Variants in PTCSC3 observed in about 807,000 individuals in gnomAD.
PTCSC3 encodes the protein papillary thyroid carcinoma susceptibility candidate 3 (non-protein coding).
At chr14:36,169,740 G>A (rs1457109920) in intron 1 of PTCSC3, among the ~76,000 whole-genome samples, 2 of 152,118 alleles carry the variant, frequency 1.3e-5, no homozygotes, top group Non-Finnish European at 2.9e-5. Flanking sequence ...AAAAGCAGCT[G>A]GTAGAGCTCT....
chr14:36,156,248 T>C (rs1334651076), intron 2 of PTCSC3, among the ~76,000 whole-genome samples: 3 of 152,180 alleles, frequency 2.0e-5, no homozygotes, highest in Admixed American at 6.6e-5. Flanking sequence ...TGATTTTTAT[T>C]AGTTTCAAAA....
intron 1 of PTCSC3, among the ~76,000 whole-genome samples, chr14:36,174,226 C>T (rs1882242196): frequency 6.6e-6 from 1 of 151,980 alleles, no homozygotes; most frequent in Admixed American, 6.6e-5. Flanking sequence ...GTAAGCTAGG[C>T]TGCTTGATAT....
At chr14:36,169,774 G>A (rs1362859548) in intron 1 of PTCSC3, among the ~76,000 whole-genome samples, 2 of 152,154 alleles carry the variant, frequency 1.3e-5, no homozygotes, top group Non-Finnish European at 2.9e-5. Flanking sequence ...GAAACAAGGA[G>A]TTGGGGAAGA....
intron 1 of PTCSC3, among the ~76,000 whole-genome samples, chr14:36,175,792 T>C (rs1269129594): frequency 2.0e-5 from 3 of 152,190 alleles, no homozygotes; most frequent in African/African-American, 7.2e-5. Flanking sequence ...AGTTAGAAAT[T>C]TGTATTTGTA....
At chr14:36,145,534 A>G (rs1881541389) in intron 3 of PTCSC3, among the ~76,000 whole-genome samples, 1 of 144,408 alleles carries the variant, frequency 6.9e-6, no homozygotes, top group African/African-American at 2.6e-5. Flanking sequence ...TATTGTGTCT[A>G]TTTGATTCTT....
chr14:36,160,255 T>C lies in PTCSC3; in HGVS notation n.231+2369A>G, dbSNP rs146016655. Reference sequence around the variant, plus strand: ...AAGGTTAATATTGTTATGTGTGAATTTGATCCTGTCATTATGATGCTAGCT... The same window carrying C: ...AAGGTTAATATTGTTATGTGTGAATCTGATCCTGTCATTATGATGCTAGCT... On this transcript the variant is annotated intron_variant and non_coding_transcript_variant, in intron 2 of 3. Coordinates refer to ENST00000556013, the Ensembl canonical transcript of PTCSC3. Among the ~76,000 whole-genome samples the C allele has an allele frequency of 3.0e-3, 457 of 152,354 alleles. 2 individuals carry two copies. Among genetic ancestry groups the C allele is most frequent in the Middle Eastern group, 6.8e-3 (2 of 294 alleles).
chr14:36,159,221 G>T (rs1177569535), intron 2 of PTCSC3, among the ~76,000 whole-genome samples: 1 of 76,110 alleles, frequency 1.3e-5, no homozygotes, highest in South Asian at 4.5e-4. Flanking sequence ...ATTTTTTGAA[G>T]GGTTTTTTTT....
chr14:36,171,719 C>T (rs116700809), intron 1 of PTCSC3, among the ~76,000 whole-genome samples: 16 of 152,100 alleles, frequency 1.1e-4, no homozygotes, highest in East Asian at 1.9e-4. Flanking sequence ...ATGCATTCCT[C>T]GACAAGAAGC....
intron 3 of PTCSC3, among the ~76,000 whole-genome samples, chr14:36,140,071 A>C (rs974441567): frequency 6.6e-6 from 1 of 152,178 alleles, no homozygotes; most frequent in Non-Finnish European, 1.5e-5. Context: ...GATGTCATGT[A>C]GTTGGAATGA....
intron 3 of PTCSC3, among the ~76,000 whole-genome samples, chr14:36,137,152 C>G (rs532741784): frequency 6.6e-6 from 1 of 151,998 alleles, no homozygotes; most frequent in Non-Finnish European, 1.5e-5. Context: ...AGCAGAAACA[C>G]AAAGGGAGGA....
intron 3 of PTCSC3, among the ~76,000 whole-genome samples, chr14:36,142,641 G>T (rs1452837709): frequency 6.6e-6 from 1 of 151,498 alleles, no homozygotes; most frequent in African/African-American, 2.4e-5. Context: ...GTTATTAATT[G>T]CTCATTCAAT....
intron 1 of PTCSC3, among the ~76,000 whole-genome samples, chr14:36,163,790 A>G (rs1371532497): frequency 6.6e-6 from 1 of 152,226 alleles, no homozygotes; most frequent in Non-Finnish European, 1.5e-5. Flanking sequence ...AGAAAATGAT[A>G]TCTTTATACT....
intron 1 of PTCSC3, among the ~76,000 whole-genome samples, chr14:36,167,131 C>A (rs1882104781): frequency 6.6e-6 from 1 of 152,170 alleles, no homozygotes; most frequent in Non-Finnish European, 1.5e-5. Flanking sequence ...AAAGAGAAAC[C>A]ATTTTAAACC....
intron 3 of PTCSC3, among the ~76,000 whole-genome samples, chr14:36,137,637 A>G (rs1881317835): frequency 6.6e-6 from 1 of 152,168 alleles, no homozygotes; most frequent in Non-Finnish European, 1.5e-5. Context: ...ATTGGATTGG[A>G]TATATTCTGT....
intron 3 of PTCSC3, among the ~76,000 whole-genome samples, chr14:36,141,166 G>A (rs1334285507): frequency 6.6e-6 from 1 of 152,214 alleles, no homozygotes; most frequent in African/African-American, 2.4e-5. Flanking sequence ...AAATAAGGTA[G>A]TGTCAGTTTT....
intron 3 of PTCSC3, among the ~76,000 whole-genome samples, chr14:36,140,694 C>T (rs1026987149): frequency 1.8e-4 from 28 of 151,976 alleles, no homozygotes; most frequent in African/African-American, 5.5e-4. Context: ...TTTTGTGGCT[C>T]GTCTTTTCAT....
At chr14:36,148,446 C>G (rs781234258) in intron 3 of PTCSC3, among the ~76,000 whole-genome samples, 1 of 152,222 alleles carries the variant, frequency 6.6e-6, no homozygotes, top group African/African-American at 2.4e-5. Context: ...TCCGTCACCC[C>G]TTTCTTTGAC....
At chr14:36,153,541 C>T (rs564253110) in intron 3 of PTCSC3, among the ~76,000 whole-genome samples, 3 of 152,184 alleles carry the variant, frequency 2.0e-5, no homozygotes, top group South Asian at 2.1e-4. Context: ...TGTACAACCA[C>T]TTTGGAACAT....
chr14:36,165,492 A>G (rs1040816530), intron 1 of PTCSC3, among the ~76,000 whole-genome samples: 1 of 152,106 alleles, frequency 6.6e-6, no homozygotes, highest in Non-Finnish European at 1.5e-5. Context: ...TACCCCCAGC[A>G]TAATGACAAC....
Sources: allele counts gnomAD v4.1 joint callset (sites outside exome capture counted in the v4.1 genomes callset), GRCh38; gene constraint gnomAD v4.1.1; transcripts MANE v1.5; gene names NCBI Gene and HGNC (gene_info 2026-07-23, HGNC 2026-07-21).